MTMR3: variants seen among roughly 807,000 people sequenced by gnomAD.
MTMR3 encodes the protein myotubularin related protein 3.
MTMR3 carries 32 observed loss-of-function variants against 132.4 expected under a neutral mutation model. The ratio of observed to expected loss-of-function variants is 0.24; its 90% CI spans 0.18 to 0.32. The LOEUF is 0.32. Among genes scored for constraint, MTMR3 ranks in the 10% least tolerant of loss-of-function variants. The pLI is 1.00. For synonymous variants in MTMR3, 556 were observed against 550.3 expected (o/e 1.01, Z -0.14); for missense variants, 1,216 against 1,489.6 (o/e 0.82, Z 3.02).
chr22:29,952,899 A>G (rs879430410), intron 1 of MTMR3, among the ~76,000 whole-genome samples: 4 of 152,160 alleles, frequency 2.6e-5, no homozygotes, highest in Admixed American at 2.0e-4. Flanking sequence ...CTAGTTTCTG[A>G]TATGTGAAAA....
chr22:30,004,923 A>G (rs2067245268), intron 9 of MTMR3: 1 of 152,276 alleles, frequency 6.6e-6, no homozygotes, highest in Non-Finnish European at 1.5e-5. Context: ...ATGCTGAACC[A>G]GCGCTTGATT....
chr22:29,925,476 T>G (rs2065497098), intron 1 of MTMR3, among the ~76,000 whole-genome samples: 1 of 151,918 alleles, frequency 6.6e-6, no homozygotes, highest in African/African-American at 2.4e-5. Context: ...CAGAGGCTCT[T>G]AAAAGAGTAA....
At chr22:29,916,148 G>T (rs2145758217) in intron 1 of MTMR3, among the ~76,000 whole-genome samples, 1 of 152,264 alleles carries the variant, frequency 6.6e-6, no homozygotes, top group South Asian at 2.1e-4. Flanking sequence ...TGGGCCTGTA[G>T]AGGAGCCTTT....
intron 3 of MTMR3, among the ~76,000 whole-genome samples, chr22:29,976,097 G>A (rs2066623842): frequency 1.3e-5 from 2 of 149,664 alleles, no homozygotes; most frequent in Non-Finnish European, 1.5e-5. Context: ...ATCTTCAAAA[G>A]TTGACATTTT....
intron 2 of MTMR3, among the ~76,000 whole-genome samples, chr22:29,961,592 G>GA (rs1814425796): frequency 1.3e-5 from 2 of 152,094 alleles, no homozygotes; most frequent in South Asian, 4.1e-4. Context: ...AAATGGAACT[G>GA]AAAAATAACT....
intron 1 of MTMR3, among the ~76,000 whole-genome samples, chr22:29,913,571 A>G (rs2065253703): frequency 6.6e-6 from 1 of 152,208 alleles, no homozygotes; most frequent in Non-Finnish European, 1.5e-5. Flanking sequence ...CATACAGGAT[A>G]TACTATTTTG....
intron 17 of MTMR3, 69 bp from the exon 18 acceptor site, chr22:30,021,960 C>A: frequency 3.1e-6 from 4 of 1,282,270 alleles, no homozygotes; most frequent in South Asian, 1.2e-5. Context: ...CTCCCTTCTT[C>A]ACCAGGCCTT....
intron 19 of MTMR3, chr22:30,022,905 A>C: frequency 3.6e-6 from 2 of 556,158 alleles, no homozygotes; most frequent in South Asian, 2.3e-5. Flanking sequence ...TTAAATTCTG[A>C]AATGTGCAAA....
At chr22:29,947,238 G>T (rs1156530646) in intron 1 of MTMR3, among the ~76,000 whole-genome samples, 1 of 152,030 alleles carries the variant, frequency 6.6e-6, no homozygotes, top group African/African-American at 2.4e-5. Flanking sequence ...GTTGGAAAAT[G>T]CAAGAAAAAT....
intron 1 of MTMR3, among the ~76,000 whole-genome samples, chr22:29,905,678 A>G (rs1289227611): frequency 6.6e-6 from 1 of 152,200 alleles, no homozygotes; most frequent in Non-Finnish European, 1.5e-5. Context: ...GTTGGGGAAT[A>G]TCTTGCCTTT....
intron 1 of MTMR3, among the ~76,000 whole-genome samples, chr22:29,916,599 A>G (rs2065313270): frequency 6.6e-6 from 1 of 152,294 alleles, no homozygotes; most frequent in South Asian, 2.1e-4. Context: ...TAGCTGTTTC[A>G]TGTATCTTGT....
intron 17 of MTMR3, chr22:30,021,602 C>T (rs141687206): frequency 1.7e-5 from 3 of 172,358 alleles, no homozygotes; most frequent in African/African-American, 7.2e-5. Context: ...TTGGCTTTTC[C>T]TTCATGCTAA....
At chr22:29,995,545 T>C (rs144848483) in intron 7 of MTMR3, 25 of 152,354 alleles carry the variant, frequency 1.6e-4, no homozygotes, top group African/African-American at 5.8e-4. Flanking sequence ...AAAGTTTTCA[T>C]TTCCACTAAA....
intron 1 of MTMR3, among the ~76,000 whole-genome samples, chr22:29,917,993 A>T (rs1247024375): frequency 2.0e-5 from 3 of 152,252 alleles, no homozygotes; most frequent in African/African-American, 7.2e-5. Flanking sequence ...TTTATTTTGA[A>T]ATTGTAAAAT....
At chr22:29,977,422 G>A (rs902725878) in intron 3 of MTMR3, among the ~76,000 whole-genome samples, 1 of 152,132 alleles carries the variant, frequency 6.6e-6, no homozygotes, top group Non-Finnish European at 1.5e-5. Context: ...AATACAAATT[G>A]TAATTTACAT....
chr22:30,003,047 A>G (rs973365886), intron 9 of MTMR3, 54 bp downstream of exon 9: 1 of 1,388,164 alleles, frequency 7.2e-7, no homozygotes, highest in Non-Finnish European at 1.0e-6. Flanking sequence ...CCTGCTGCAT[A>G]TGGTCTGCTG....
chr22:29,907,224 C>T (rs2065120595), intron 1 of MTMR3, among the ~76,000 whole-genome samples: 2 of 151,922 alleles, frequency 1.3e-5, no homozygotes, highest in African/African-American at 4.8e-5. Context: ...CAGAATGAAA[C>T]CCCGTCCCTA....
chr22:29,887,761 G>A (rs16988084), intron 1 of MTMR3, among the ~76,000 whole-genome samples: 24,402 of 152,130 alleles, frequency 0.16, 2,056 homozygotes, highest in South Asian at 0.24. Context: ...AAAGTTCTAA[G>A]GCTGTGTTTT....
chr22:29,907,882 C>T (rs1278790588), intron 1 of MTMR3, among the ~76,000 whole-genome samples: 1 of 152,000 alleles, frequency 6.6e-6, no homozygotes, highest in Non-Finnish European at 1.5e-5. Context: ...ATGATAAAGC[C>T]AACAAAGAGC....
Sources: gnomAD v4.1 joint callset for allele counts (sites outside exome capture counted in the v4.1 genomes callset) on GRCh38, gnomAD v4.1.1 for gene constraint, MANE v1.5 for transcripts, NCBI Gene and HGNC (gene_info 2026-07-23, HGNC 2026-07-21) for gene names.